The following ABCA1 variants were observed in gnomAD, a reference collection of about 807,000 sequenced individuals.
The protein encoded by ABCA1 is phospholipid-transporting ATPase ABCA1.
Under a neutral mutation model 262.5 loss-of-function variants are expected in ABCA1, and 133 were observed. The observed-to-expected ratio is 0.51, with a 90% confidence interval of 0.44 to 0.59. The LOEUF is 0.59. Ranked by LOEUF, ABCA1 falls within the 20% of genes least tolerant of loss-of-function variation. The pLI is 0.00. For synonymous variants in ABCA1, 1,022 were observed against 1,043.5 expected, an observed-to-expected ratio of 0.98 and a Z score of 0.40; for missense variants, 2,452 against 2,777.5, an observed-to-expected ratio of 0.88 and a Z score of 2.63.
At chr9:104,802,841 C>T (rs1830456514) in intron 33 of ABCA1, among the ~76,000 whole-genome samples, 1 of 152,172 alleles carries the variant, frequency 6.6e-6, no homozygotes, top group Admixed American at 6.5e-5. Context: ...CTTCTTATTT[C>T]CTCTAAGACC....
rs1343190852 is a variant in ABCA1, at chr9:104,802,161, TA to T, written c.4593-3del. The T allele has an allele frequency of 2.5e-6, 4 of 1,613,822 alleles. No homozygotes were observed. In the South Asian group the frequency reaches 4.4e-5, roughly 18 times the overall value. On this transcript the variant is annotated splice_polypyrimidine_tract_variant and splice_region_variant and intron_variant, in intron 33 of 49. Coordinates refer to ENST00000374736, the MANE Select transcript of ABCA1 (RefSeq NM_005502.4). ...ACACCCAGGGAAAAGCCGCCATACCTAAAAGAACAGCCTGACATTAAAACCC... is the reference window on the plus strand; with the variant it reads ...ACACCCAGGGAAAAGCCGCCATACCTAAAGAACAGCCTGACATTAAAACCC...
chr9:104,797,095 T>A (rs1273038882), intron 37 of ABCA1, among the ~76,000 whole-genome samples: 1 of 152,138 alleles, frequency 6.6e-6, no homozygotes, highest in Non-Finnish European at 1.5e-5. Context: ...TATCAACAAC[T>A]TAGATGAAGA....
chr9:104,790,726 G>T, intron 44 of ABCA1, among the ~76,000 whole-genome samples, 196 bp downstream of exon 44: 1 of 152,162 alleles, frequency 6.6e-6, no homozygotes, highest in South Asian at 2.1e-4. Context: ...GAATGAGACT[G>T]AAAGGAAATG....
At chr9:104,900,826 CT>C (rs1840608848) in intron 2 of ABCA1, among the ~76,000 whole-genome samples, 1 of 152,202 alleles carries the variant, frequency 6.6e-6, no homozygotes, top group Non-Finnish European at 1.5e-5. Flanking sequence ...AAATAAATCA[CT>C]TTTCTTTCTG....
intron 9 of ABCA1, among the ~76,000 whole-genome samples, chr9:104,838,279 G>A (rs1337095537): frequency 1.3e-5 from 2 of 148,300 alleles, no homozygotes; most frequent in Admixed American, 6.8e-5. Flanking sequence ...CTCTAGCCCG[G>A]GCAACAAGAG....
chr9:104,791,717 G>A (rs1044774010), intron 43 of ABCA1, among the ~76,000 whole-genome samples: 7 of 152,264 alleles, frequency 4.6e-5, no homozygotes, highest in East Asian at 1.9e-4. Flanking sequence ...GAATCACTGC[G>A]CCCAGCCCCA....
In ABCA1 at chr9:104,817,442, G is replaced by T. The variant is rs199762222; in HGVS notation, c.3463-38C>A. Reference sequence around the variant, plus strand: ...AAGGAGGTGAGAACGGGTCAGGGACGGAGCAAGGCAGAGCCACCAGCACCT... The same window carrying T: ...AAGGAGGTGAGAACGGGTCAGGGACTGAGCAAGGCAGAGCCACCAGCACCT... On this transcript the variant is annotated intron_variant, in intron 23 of 49. Coordinates refer to ENST00000374736, the MANE Select transcript of ABCA1 (RefSeq NM_005502.4). The surrounding 1 kb of genome is among the most constrained non-coding windows in gnomAD (Gnocchi z 4.7). 24 of 1,610,562 alleles carry T rather than the reference G, an allele frequency of 1.5e-5. No homozygotes were observed. Among genetic ancestry groups the T allele is most frequent in the Non-Finnish European group, 1.8e-5 (21 of 1,176,994 alleles).
At chr9:104,843,066 T>G (rs1038786923) in intron 8 of ABCA1, among the ~76,000 whole-genome samples, 2 of 152,202 alleles carry the variant, frequency 1.3e-5, no homozygotes, top group Non-Finnish European at 2.9e-5. Flanking sequence ...GGTCCAACTG[T>G]CACCTTAGAG....
intron 1 of ABCA1, among the ~76,000 whole-genome samples, chr9:104,926,240 A>G (rs967972443): frequency 6.6e-6 from 1 of 152,140 alleles, no homozygotes; most frequent in South Asian, 2.1e-4. Flanking sequence ...GTCGGATTTT[A>G]AAAGCTAATG....
intron 2 of ABCA1, among the ~76,000 whole-genome samples, chr9:104,893,921 T>A (rs1225543937): frequency 6.6e-6 from 1 of 152,326 alleles, no homozygotes; most frequent in East Asian, 1.9e-4. Flanking sequence ...ACAGCCAATA[T>A]TGGGCAGCTA....
At chr9:104,916,633 A>G (rs1052228536) in intron 1 of ABCA1, among the ~76,000 whole-genome samples, 1 of 152,240 alleles carries the variant, frequency 6.6e-6, no homozygotes, top group Non-Finnish European at 1.5e-5. Context: ...TGGAGAATAA[A>G]TTTAGCACGC....
At chr9:104,899,825 G>A (rs1257837190) in intron 2 of ABCA1, among the ~76,000 whole-genome samples, 1 of 152,130 alleles carries the variant, frequency 6.6e-6, no homozygotes, top group South Asian at 2.1e-4. Context: ...TGTTCCATGG[G>A]GACCTTGGCC....
rs35545593 is a variant in ABCA1, at chr9:104,812,679, C to T, written c.3945G>A (p.Gly1315=). The T allele has an allele frequency of 4.3e-3, 6,999 of 1,614,202 alleles. 286 individuals are homozygous for T. In the African/African-American group the frequency reaches 0.084, roughly 19 times the overall value. ...GTTTCCAGCCTTTCACCTGGTAGGACCCTTTGCCATCCATCCCACTGAGCA... is the reference window on the plus strand; with the variant it reads ...GTTTCCAGCCTTTCACCTGGTAGGATCCTTTGCCATCCATCCCACTGAGCA... ...TDLLSGMDGK[G]SYQVKGWKLT... is the part of the protein sequence containing the mutation. The change falls in exon 28 of 50, where the codon GGG becomes GGA. Residue 1315 remains glycine (G), a synonymous_variant. Transcript: ENST00000374736.
rs543970358 is a variant in ABCA1, at chr9:104,912,508, C to T, written c.-92-8737G>A. Among the ~76,000 whole-genome samples the T allele has an allele frequency of 5.9e-5, 9 of 152,350 alleles. No individual in the cohort carries two copies. In the East Asian group the frequency reaches 1.2e-3, roughly 20 times the overall value. On this transcript the variant is annotated intron_variant, in intron 1 of 49. Transcript: ENST00000374736. ...TCCTATTTATCACCCTCAACATTCCCGTTGCCACCAGCTAAATGGTCTCAG... is the reference window on the plus strand; with the variant it reads ...TCCTATTTATCACCCTCAACATTCCTGTTGCCACCAGCTAAATGGTCTCAG...
chr9:104,847,651 T>A (rs1402725593), intron 7 of ABCA1, among the ~76,000 whole-genome samples: 2 of 152,212 alleles, frequency 1.3e-5, no homozygotes, highest in African/African-American at 4.8e-5. Context: ...AGAGCTATCA[T>A]CACACAGCAT....
rs34544647 is a variant in ABCA1 at position 104,893,421 on chromosome 9, C to CAAAAAAAAAAAAAAAAAAAAAAAAA, written c.67-4251_67-4227dup. ...TGGGCAACAGAGTGAGACTTCACCT[C>CAAAAAAAAAAAAAAAAAAAAAAAAA]AAAAAAAAAAAAAAAAAAAAAAAAA... On this transcript the variant is annotated intron_variant, in intron 2 of 49. Coordinates refer to ENST00000374736, the MANE Select transcript of ABCA1 (RefSeq NM_005502.4). Among the ~76,000 whole-genome samples, 57 of 35,246 alleles carry CAAAAAAAAAAAAAAAAAAAAAAAAA rather than the reference C, an allele frequency of 1.6e-3. 2 individuals carry two copies. Among genetic ancestry groups the CAAAAAAAAAAAAAAAAAAAAAAAAA allele is most frequent in the Middle Eastern group, 0.013 (1 of 78 alleles). The allele number at this position is 35,246 out of a possible 152,430, so 23.1% of individuals were successfully genotyped here.
intron 33 of ABCA1, among the ~76,000 whole-genome samples, chr9:104,802,829 C>A (rs1030045648): frequency 4.6e-5 from 7 of 152,174 alleles, no homozygotes; most frequent in African/African-American, 1.7e-4. Flanking sequence ...ATGGTTTTGG[C>A]GCTTCTTATT....
chr9:104,838,051 C>T (rs561329394), intron 9 of ABCA1, among the ~76,000 whole-genome samples: 10 of 152,230 alleles, frequency 6.6e-5, no homozygotes, highest in African/African-American at 9.6e-5. Context: ...TGGGGCTGGG[C>T]GCAGTGGCTC....
intron 1 of ABCA1, among the ~76,000 whole-genome samples, chr9:104,925,473 T>C (rs1588608301): frequency 6.6e-6 from 1 of 151,672 alleles, no homozygotes; most frequent in African/African-American, 2.4e-5. Context: ...GGAGACAACA[T>C]ATCACACGTG....
Sources: gnomAD v4.1 joint callset for allele counts (sites outside exome capture counted in the v4.1 genomes callset) on GRCh38, gnomAD v4.1.1 for gene constraint, Gnocchi (gnomAD v3.1) non-coding constraint, MANE v1.5 for transcripts, NCBI Gene and HGNC (gene_info 2026-07-23, HGNC 2026-07-21) for gene names.